The following BICD1 variants were observed in gnomAD, a reference collection of about 807,000 sequenced individuals.
BICD1 encodes the protein BICD cargo adaptor 1.
A neutral mutation model predicts 92.5 loss-of-function variants in BICD1; 35 were observed. The observed-to-expected ratio is 0.38, with a 90% CI of 0.29 to 0.50. The LOEUF is 0.50. Ranked by LOEUF, BICD1 falls within the 20% of genes least tolerant of loss-of-function variation. The pLI is 0.93. For missense variants in BICD1, 950 were observed against 1,189.8 expected (o/e 0.80, Z 2.97); for synonymous variants, 429 against 465.1 (o/e 0.92, Z 1.00).
intron 1 of BICD1, among the ~76,000 whole-genome samples, chr12:32,168,588 C>G (rs948396499): frequency 1.5e-4 from 23 of 152,198 alleles, no homozygotes; most frequent in African/African-American, 5.5e-4. Flanking sequence ...GAAAACATTT[C>G]AGGCCCAAAC....
chr12:32,227,740 G>A (rs1945746956), intron 2 of BICD1: 1 of 158,700 alleles, frequency 6.3e-6, no homozygotes, highest in African/African-American at 2.4e-5. Flanking sequence ...GGGTATGTAA[G>A]AGTACCCGTA....
chr12:32,292,711 G>T (rs1282652895), intron 2 of BICD1, among the ~76,000 whole-genome samples: 1 of 152,072 alleles, frequency 6.6e-6, no homozygotes. Flanking sequence ...GGATATCTAG[G>T]TATTACATAA....
intron 8 of BICD1, among the ~76,000 whole-genome samples, chr12:32,351,985 T>C (rs1938904993): frequency 6.7e-6 from 1 of 149,730 alleles, no homozygotes; most frequent in Non-Finnish European, 1.5e-5. Flanking sequence ...GGCGGGTGGA[T>C]CACAAGGTCA....
At chr12:32,242,580 A>G (rs983013083) in intron 2 of BICD1, among the ~76,000 whole-genome samples, 2 of 152,202 alleles carry the variant, frequency 1.3e-5, no homozygotes, top group African/African-American at 4.8e-5. Context: ...ACAATTTAAT[A>G]TAATTTCTTA....
chr12:32,246,365 C>T (rs1020138513), intron 2 of BICD1, among the ~76,000 whole-genome samples: 1 of 150,670 alleles, frequency 6.6e-6, no homozygotes, highest in Non-Finnish European at 1.5e-5. Flanking sequence ...AGGCCAGGCA[C>T]GGTGGCTCAC....
At chr12:32,336,776 G>A (rs145961294) in intron 6 of BICD1, among the ~76,000 whole-genome samples, 3 of 152,222 alleles carry the variant, frequency 2.0e-5, no homozygotes, top group Non-Finnish European at 4.4e-5. Context: ...GCAGCCCCAC[G>A]ATAACTCTGT....
chr12:32,278,786 G>A (rs1169693838), intron 2 of BICD1, among the ~76,000 whole-genome samples: 4 of 152,196 alleles, frequency 2.6e-5, no homozygotes, highest in Non-Finnish European at 5.9e-5. Flanking sequence ...AACCCGGAGG[G>A]CGGAGCTTGC....
At chr12:32,261,298 C>T (rs73082244) in intron 2 of BICD1, among the ~76,000 whole-genome samples, 1 of 152,140 alleles carries the variant, frequency 6.6e-6, no homozygotes, top group African/African-American at 2.4e-5. Flanking sequence ...TGTGTTTTAC[C>T]CTTCCTATTT....
intron 6 of BICD1, among the ~76,000 whole-genome samples, chr12:32,336,855 T>C (rs1938147426): frequency 6.6e-6 from 1 of 152,176 alleles, no homozygotes; most frequent in Non-Finnish European, 1.5e-5. Context: ...CTGATACCTG[T>C]AATCGCAGCA....
chr12:32,116,169 T>A (rs1039494061), intron 1 of BICD1, among the ~76,000 whole-genome samples: 3 of 151,638 alleles, frequency 2.0e-5, no homozygotes, highest in Admixed American at 6.6e-5. Flanking sequence ...TGTCTATGAT[T>A]TTTTTTTACC....
At chr12:32,342,872 A>G (rs904639) in intron 8 of BICD1, among the ~76,000 whole-genome samples, 53,954 of 151,998 alleles carry the variant, frequency 0.35, 11,557 homozygotes, top group African/African-American at 0.6. Flanking sequence ...CTATAGGGTG[A>G]GGCACTGATT....
At chr12:32,347,038 G>A (rs576471478) in intron 8 of BICD1, among the ~76,000 whole-genome samples, 16 of 146,892 alleles carry the variant, frequency 1.1e-4, no homozygotes, top group African/African-American at 2.3e-4. Context: ...CGCAACCTCC[G>A]CCTCCCAGGT....
intron 8 of BICD1, among the ~76,000 whole-genome samples, chr12:32,348,380 T>G (rs1241473761): frequency 6.6e-6 from 1 of 152,204 alleles, no homozygotes; most frequent in Non-Finnish European, 1.5e-5. Context: ...TGTTAAAATT[T>G]TATTAAATCC....
intron 3 of BICD1, among the ~76,000 whole-genome samples, chr12:32,298,328 G>A (rs553239947): frequency 2.0e-5 from 3 of 152,216 alleles, no homozygotes; most frequent in Admixed American, 6.5e-5. Flanking sequence ...TTGGGAGGCC[G>A]AGGTGGGCGG....
At chr12:32,179,559 T>C (rs1219689670) in intron 1 of BICD1, among the ~76,000 whole-genome samples, 2 of 151,942 alleles carry the variant, frequency 1.3e-5, no homozygotes, top group African/African-American at 4.8e-5. Context: ...AGTAAAGGAA[T>C]CTAAATCTCT....
At chr12:32,115,530 TGAAGAAAATGAGACCGATTAGG>T (rs752252967) in intron 1 of BICD1, among the ~76,000 whole-genome samples, 1 of 151,902 alleles carries the variant, frequency 6.6e-6, no homozygotes, top group Non-Finnish European at 1.5e-5. Flanking sequence ...TGGTGAAGTG[TGAAGAAAATGAGACCGATTAGG>T]GAAGAAAACC....
intron 4 of BICD1, 61 bp downstream of exon 4, chr12:32,306,183 TG>T: frequency 7.0e-7 from 1 of 1,419,388 alleles, no homozygotes; most frequent in African/African-American, 1.4e-5. Flanking sequence ...TAGCATGTTG[TG>T]GGACTTCTGA....
chr12:32,114,216 C>T (rs566210432), intron 1 of BICD1, among the ~76,000 whole-genome samples: 1 of 152,168 alleles, frequency 6.6e-6, no homozygotes, highest in South Asian at 2.1e-4. Flanking sequence ...ACATGTTGCC[C>T]AGGCTGGTCT....
At chr12:32,195,717 C>T (rs892771700) in intron 1 of BICD1, among the ~76,000 whole-genome samples, 2 of 151,918 alleles carry the variant, frequency 1.3e-5, no homozygotes, top group Non-Finnish European at 2.9e-5. Flanking sequence ...TTGGTCTTGG[C>T]AATGATTTTT....
Sources: gnomAD v4.1 joint callset for allele counts (sites outside exome capture counted in the v4.1 genomes callset) on GRCh38, gnomAD v4.1.1 for gene constraint, MANE v1.5 for transcripts, NCBI Gene and HGNC (gene_info 2026-07-23, HGNC 2026-07-21) for gene names.